ZNF782: variants seen among roughly 807,000 people sequenced by gnomAD.
ZNF782 encodes the protein zinc finger protein 782.
ZNF782 carries 12 observed loss-of-function variants against 13.0 expected under a neutral mutation model. The ratio of observed to expected loss-of-function variants is 0.92; its 90% CI spans 0.59 to 1.50. ZNF782 has a LOEUF of 1.50. Ranked by LOEUF, ZNF782 falls within the 40% of genes most tolerant of loss-of-function variation. The probability of loss-of-function intolerance (pLI) is 0.00; values close to 1 mark genes in which losing one functional copy is unlikely to be tolerated. For synonymous variants in ZNF782, 284 were observed against 283.0 expected (o/e 1.00, Z -0.04); for missense variants, 770 against 822.9 (o/e 0.94, Z 0.79).
chr9:96,819,483 A>C lies in ZNF782; in HGVS notation c.540T>G (p.Thr180=). The change falls in exon 6 of 6, where the codon ACT becomes ACG. Residue 180 remains threonine, a synonymous_variant. Transcript: ENST00000481138. The part of the protein sequence containing the change: ...KWLISIKDGR[T]NTQEKSFAYS... ...AAGCGAAAGATTTCTCTTGAGTGTT[A>C]GTTCTGCCATCCTTAATACTGATGA... The C allele has an allele frequency of 6.2e-7, 1 of 1,613,964 alleles. No individual in the cohort carries two copies. Among genetic ancestry groups the C allele is most frequent in the Non-Finnish European group, 8.5e-7 (1 of 1,180,002 alleles).
rs555132414 is a variant in ZNF782, at chr9:96,861,808, T to C, written c.-456-205A>G. On this transcript the variant is annotated intron_variant, in intron 1 of 5. Transcript: ENST00000498811. ...GAGAAGAGGTAACCATCGTACACTG[T>C]TAGTGGGAATGTAATTTAGTACAAC... is the stretch of plus-strand genomic sequence containing the variant. 2.0e-4 allele frequency among the ~76,000 whole-genome samples: 31 copies of C among 152,354 alleles called. No homozygotes were observed. The Middle Eastern group carries it at 0.01, about 50-fold the overall frequency.
chr9:96,825,628 A>C (rs1563997618), intron 5 of ZNF782, among the ~76,000 whole-genome samples: 2 of 151,980 alleles, frequency 1.3e-5, no homozygotes, highest in Non-Finnish European at 2.9e-5. Context: ...CAACCTACAA[A>C]ATGGGAGAAA....
At chr9:96,893,710 T>G in the ZNF782 span, 6 of 148,358 alleles carry the variant, frequency 4.0e-5, no homozygotes, top group East Asian at 9.7e-4. Context: ...TAAAAAATGA[T>G]GAGTTCAAGG....
At chr9:96,898,639 C>T in the ZNF782 span, among the ~76,000 whole-genome samples, 4 of 147,140 alleles carry the variant, frequency 2.7e-5, no homozygotes, top group Admixed American at 6.7e-5. Flanking sequence ...CTCTGCCTCC[C>T]GGGCTCAAGC....
intron 4 of ZNF782, among the ~76,000 whole-genome samples, chr9:96,834,467 C>T (rs921614260): frequency 3.9e-5 from 6 of 152,172 alleles, no homozygotes; most frequent in African/African-American, 1.2e-4. Flanking sequence ...ACTAATACAC[C>T]ATTCAATGGG....
upstream of ZNF782, among the ~76,000 whole-genome samples, chr9:96,877,636 G>T (rs1287935962): frequency 6.6e-6 from 1 of 152,250 alleles, no homozygotes; most frequent in Non-Finnish European, 1.5e-5. Context: ...GCTGGGGTTC[G>T]GGCGGGGTCC....
the ZNF782 span, among the ~76,000 whole-genome samples, chr9:96,923,135 T>C: frequency 6.8e-6 from 1 of 147,620 alleles, no homozygotes; most frequent in East Asian, 2.4e-4. Flanking sequence ...TACAAGCACA[T>C]AGCTCCACAA....
At chr9:96,859,839 T>G (rs1192806096) in intron 3 of ZNF782, among the ~76,000 whole-genome samples, 3 of 152,146 alleles carry the variant, frequency 2.0e-5, no homozygotes, top group Non-Finnish European at 4.4e-5. Flanking sequence ...GATTCAGGCC[T>G]TGGCTCTTAG....
At chr9:96,924,723 GA>G in the ZNF782 span, among the ~76,000 whole-genome samples, 40 of 152,124 alleles carry the variant, frequency 2.6e-4, 1 homozygote, top group Admixed American at 4.6e-4. Context: ...CTTCTTTGCT[GA>G]AATGCATCAC....
At chr9:96,895,263 A>T in the ZNF782 span, 1 of 152,242 alleles carries the variant, frequency 6.6e-6, no homozygotes, top group Non-Finnish European at 1.5e-5. Flanking sequence ...CAGTAAAGTC[A>T]AAACTGTAGT....
chr9:96,903,255 A>T, the ZNF782 span: 1 of 152,050 alleles, frequency 6.6e-6, no homozygotes, highest in African/African-American at 2.4e-5. Context: ...TTGTTGCCTA[A>T]CATTTATAGT....
chr9:96,833,749 T>C (rs2118563952), intron 4 of ZNF782, among the ~76,000 whole-genome samples: 1 of 152,352 alleles, frequency 6.6e-6, no homozygotes, highest in African/African-American at 2.4e-5. Context: ...CTCCACTTCC[T>C]TGAAGAGGAG....
intron 5 of ZNF782, among the ~76,000 whole-genome samples, chr9:96,824,501 A>G (rs1212282484): frequency 2.6e-5 from 4 of 151,942 alleles, no homozygotes; most frequent in Admixed American, 1.3e-4. Flanking sequence ...GCACAAGACA[A>G]GGATGACCTC....
rs1022534109 is a variant in ZNF782, at chr9:96,852,974, T to C, written c.-166A>G. The C allele has an allele frequency of 2.0e-5, 3 of 152,582 alleles. No individual in the cohort carries two copies. Among genetic ancestry groups the C allele is most frequent in the African/African-American group, 4.8e-5 (2 of 41,426 alleles). The allele number at this position is 152,582 out of a possible 1,614,324, so 9.5% of individuals were successfully genotyped here. ...AGCTTTCAAAAGAATCAGAAGTAGA[T>C]AGCCACGGAAAACCCTTCATGTATC... On this transcript the variant is annotated 5_prime_UTR_variant, in exon 2 of 6. Coordinates refer to ENST00000481138, the MANE Select transcript of ZNF782 (RefSeq NM_001001662.3).
At chr9:96,883,891 A>G in the ZNF782 span, among the ~76,000 whole-genome samples, 3,073 of 152,280 alleles carry the variant, frequency 0.02, 177 homozygotes, top group East Asian at 0.24. Context: ...ACAGGGCACT[A>G]CAGAAACCTC....
rs1370892108 is a variant in ZNF782 at position 96,850,290 on chromosome 9, G to C, written c.15+1657C>G. The stretch of plus-strand genomic sequence containing the variant: ...TGAACTGAGTGGATAAAGAAAATGT[G>C]GTACCTATACACCATGGAATACTAC... On this transcript the variant is annotated intron_variant, in intron 3 of 5. Coordinates refer to ENST00000481138, the MANE Select transcript of ZNF782 (RefSeq NM_001001662.3). The surrounding 1 kb of genome is among the most constrained non-coding windows in gnomAD (Gnocchi z 4.3). Among the ~76,000 whole-genome samples the C allele has an allele frequency of 6.6e-6, 1 of 152,086 alleles. No homozygotes were observed. Among genetic ancestry groups the C allele is most frequent in the East Asian group, 1.9e-4 (1 of 5,198 alleles).
At chr9:96,899,966 A>G in the ZNF782 span, among the ~76,000 whole-genome samples, 1 of 151,594 alleles carries the variant, frequency 6.6e-6, no homozygotes, top group Admixed American at 6.6e-5. Flanking sequence ...CATCCCGCTA[A>G]TTTTTTATTT....
At chr9:96,868,404 C>T (rs1481191593) in intron 1 of ZNF782, among the ~76,000 whole-genome samples, 2 of 152,218 alleles carry the variant, frequency 1.3e-5, no homozygotes, top group Non-Finnish European at 2.9e-5. Context: ...GGCATTTCTG[C>T]ATTCTATACA....
intron 4 of ZNF782, among the ~76,000 whole-genome samples, chr9:96,836,061 A>AG (rs1306149302): frequency 6.6e-6 from 1 of 152,246 alleles, no homozygotes; most frequent in Non-Finnish European, 1.5e-5. Flanking sequence ...GAGCTATCCA[A>AG]GGGCTTGGAA....
Sources: gnomAD v4.1 joint callset for allele counts (sites outside exome capture counted in the v4.1 genomes callset) on GRCh38, gnomAD v4.1.1 for gene constraint, Gnocchi (gnomAD v3.1) non-coding constraint, MANE v1.5 for transcripts, NCBI Gene and HGNC (gene_info 2026-07-23, HGNC 2026-07-21) for gene names.